Variants in CPNE4 observed in about 807,000 individuals in gnomAD.
CPNE4 encodes copine-4.
CPNE4 carries 25 observed loss-of-function variants against 67.9 expected under a neutral mutation model. The ratio of observed to expected loss-of-function variants is 0.37; its 90% CI spans 0.27 to 0.51. CPNE4 has a LOEUF of 0.51. CPNE4 is among the 20% of genes least tolerant of loss of function. The pLI, the probability that CPNE4 is intolerant of heterozygous loss-of-function variation, is 0.93. For synonymous variants in CPNE4, 242 were observed against 244.9 expected, an observed-to-expected ratio of 0.99 and a Z score of 0.11; for missense variants, 464 against 690.8, an observed-to-expected ratio of 0.67 and a Z score of 3.68.
At chr3:131,616,442 C>T (rs777772774) in intron 7 of CPNE4, among the ~76,000 whole-genome samples, 9 of 152,142 alleles carry the variant, frequency 5.9e-5, no homozygotes, top group Non-Finnish European at 1.3e-4. Flanking sequence ...GGAGTGTGGC[C>T]AGATTTCCTG....
chr3:131,551,945 A>G (rs1936198599), intron 13 of CPNE4, among the ~76,000 whole-genome samples: 3 of 152,072 alleles, frequency 2.0e-5, no homozygotes, highest in Non-Finnish European at 4.4e-5. Context: ...TCTCTGGCAC[A>G]AAGCCATGAT....
chr3:131,953,694 T>C (rs1315131813), intron 1 of CPNE4, among the ~76,000 whole-genome samples: 3 of 152,294 alleles, frequency 2.0e-5, no homozygotes, highest in East Asian at 3.9e-4. Flanking sequence ...ACGTGGGGAC[T>C]GAAAAGTTTA....
At chr3:131,797,484 A>G (rs919171801) in intron 2 of CPNE4, among the ~76,000 whole-genome samples, 6 of 152,190 alleles carry the variant, frequency 3.9e-5, no homozygotes, top group Non-Finnish European at 8.8e-5. Context: ...CAGAAACTGC[A>G]CTTACATTGT....
At chr3:131,859,755 T>G (rs530621931) in intron 2 of CPNE4, among the ~76,000 whole-genome samples, 171 of 152,284 alleles carry the variant, frequency 1.1e-3, no homozygotes, top group African/African-American at 4.0e-3. Context: ...TGTCCCTGGA[T>G]TCAGTCTATA....
At chr3:131,699,576 T>A (rs2107702282) in intron 4 of CPNE4, among the ~76,000 whole-genome samples, 1 of 152,344 alleles carries the variant, frequency 6.6e-6, no homozygotes, top group South Asian at 2.1e-4. Context: ...TGTGTGAAAA[T>A]GCTAGACAAT....
intron 2 of CPNE4, among the ~76,000 whole-genome samples, chr3:131,879,307 A>T (rs2087577331): frequency 6.6e-6 from 1 of 152,216 alleles, no homozygotes; most frequent in African/African-American, 2.4e-5. Context: ...TCATGCAACT[A>T]ATGTAAGTGT....
chr3:131,739,510 C>T (rs963448168), intron 2 of CPNE4, among the ~76,000 whole-genome samples: 6 of 152,174 alleles, frequency 3.9e-5, no homozygotes, highest in African/African-American at 1.4e-4. Flanking sequence ...ATTTCTGTGT[C>T]TGCATGTCTT....
intron 3 of CPNE4, among the ~76,000 whole-genome samples, chr3:131,717,049 T>C (rs1400174640): frequency 2.0e-5 from 3 of 152,254 alleles, no homozygotes; most frequent in Admixed American, 2.0e-4. Flanking sequence ...AAAATGTTGA[T>C]GTTTTTTCTT....
chr3:131,957,841 ATAAT>A (rs1248681123), intron 1 of CPNE4, among the ~76,000 whole-genome samples: 1 of 152,236 alleles, frequency 6.6e-6, no homozygotes. Flanking sequence ...ATAGCTGGAG[ATAAT>A]TAAAGTTGAG....
chr3:131,672,794 T>G (rs1033776143), intron 6 of CPNE4, among the ~76,000 whole-genome samples: 1 of 152,142 alleles, frequency 6.6e-6, no homozygotes, highest in Non-Finnish European at 1.5e-5. Context: ...GGTTTTCTCT[T>G]CACTTTTTTT....
At chr3:131,577,421 G>A (rs1937578316) in intron 9 of CPNE4, among the ~76,000 whole-genome samples, 1 of 151,968 alleles carries the variant, frequency 6.6e-6, no homozygotes, top group Non-Finnish European at 1.5e-5. Flanking sequence ...CACAAACCTA[G>A]GTGGTATATC....
intron 1 of CPNE4, among the ~76,000 whole-genome samples, chr3:131,920,331 G>A (rs2070706303): frequency 1.3e-5 from 2 of 152,040 alleles, no homozygotes; most frequent in African/African-American, 2.4e-5. Flanking sequence ...TTAATCCCTT[G>A]ACAAAATTTT....
chr3:131,641,762 T>C (rs983401181), intron 7 of CPNE4, among the ~76,000 whole-genome samples: 4 of 152,162 alleles, frequency 2.6e-5, no homozygotes, highest in African/African-American at 9.7e-5. Flanking sequence ...CCAGCCCCAA[T>C]ACCCATCAAT....
chr3:131,625,977 A>G (rs2079062617), intron 7 of CPNE4, among the ~76,000 whole-genome samples: 1 of 152,118 alleles, frequency 6.6e-6, no homozygotes, highest in African/African-American at 2.4e-5. Context: ...GTGATCTGTG[A>G]TCAGTGATCC....
intron 5 of CPNE4, among the ~76,000 whole-genome samples, chr3:131,692,862 T>C (rs895568113): frequency 6.6e-6 from 1 of 152,158 alleles, no homozygotes; most frequent in Non-Finnish European, 1.5e-5. Context: ...ATGAATACTT[T>C]CTCAAGAATG....
chr3:131,891,941 T>G lies in CPNE4; in HGVS notation c.180+13323A>C, dbSNP rs143922196. ...AACCAATAAACAACTACTTTTCAAC[T>G]AGAATAACTGAAGAAGTACACTGAA... On this transcript the variant is annotated intron_variant, in intron 2 of 15. Coordinates refer to ENST00000429747, the MANE Select transcript of CPNE4 (RefSeq NM_130808.3). 4.7e-3 allele frequency among the ~76,000 whole-genome samples: 715 copies of G among 152,088 alleles called. 8 individuals carry two copies. Among genetic ancestry groups the G allele is most frequent in the African/African-American group, 0.015 (630 of 41,484 alleles).
rs549281520 is a variant in CPNE4, at chr3:131,740,446, G to A, written c.181-16821C>T. On this transcript the variant is annotated intron_variant, in intron 2 of 15. Coordinates refer to ENST00000429747, the MANE Select transcript of CPNE4 (RefSeq NM_130808.3). ...CTGATAACTACCTCCCTCCCATGCC[G>A]TTCTTCTAGATGCTCAAGCGAAAAC... Among the ~76,000 whole-genome samples the A allele has an allele frequency of 1.1e-4, 16 of 152,212 alleles. No homozygotes were observed. In the East Asian group the frequency reaches 2.5e-3, roughly 24 times the overall value.
At chr3:131,699,821 G>T in intron 4 of CPNE4, 88 bp downstream of exon 4, 1 of 948,224 alleles carries the variant, frequency 1.1e-6, no homozygotes, top group Non-Finnish European at 1.6e-6. Context: ...ATATCAGAAA[G>T]TCTGCTTCCC....
At chr3:132,011,692 C>T (rs2073766929) in intron 1 of CPNE4, among the ~76,000 whole-genome samples, 1 of 152,200 alleles carries the variant, frequency 6.6e-6, no homozygotes, top group Non-Finnish European at 1.5e-5. Context: ...CAACTCATAA[C>T]ATTTTTCACT....
Sources: allele counts gnomAD v4.1 joint callset (sites outside exome capture counted in the v4.1 genomes callset), GRCh38; gene constraint gnomAD v4.1.1; transcripts MANE v1.5; gene names NCBI Gene and HGNC (gene_info 2026-07-23, HGNC 2026-07-21).